CDCA7L: variants seen among roughly 807,000 people sequenced by gnomAD.
CDCA7L encodes the protein cell division cycle associated 7 like.
Under a neutral mutation model 57.4 loss-of-function variants are expected in CDCA7L, and 44 were observed. That is an observed-to-expected ratio of 0.77 (90% CI 0.60 to 0.98). The LOEUF is 0.98. Ranked by LOEUF, CDCA7L falls within the 50% of genes least tolerant of loss-of-function variation. CDCA7L has a pLI of 0.00. For synonymous variants in CDCA7L, 236 were observed against 202.8 expected (o/e 1.16, Z -1.39); for missense variants, 644 against 580.6 (o/e 1.11, Z -1.12).
At position 21,927,659 on chromosome 7, in the gene CDCA7L, G is replaced by C. The variant is rs748619365; in HGVS notation, c.25-10765C>G. 5.3e-5 allele frequency among the ~76,000 whole-genome samples: 8 copies of C among 152,294 alleles called. No homozygotes were observed. The East Asian group carries it at 5.8e-4, about 11-fold the overall frequency. On this transcript the variant is annotated intron_variant, in intron 1 of 9. Coordinates refer to ENST00000406877, the MANE Select transcript of CDCA7L (RefSeq NM_018719.5). Reference sequence around the variant, plus strand: ...CAAACTGGCTGAAAGGCATGAATTGGAATACATCCCAGAAGCTCAAGGAAT... The same window carrying C: ...CAAACTGGCTGAAAGGCATGAATTGCAATACATCCCAGAAGCTCAAGGAAT...
At chr7:21,928,965 G>C (rs1197736354) in intron 1 of CDCA7L, among the ~76,000 whole-genome samples, 3 of 152,028 alleles carry the variant, frequency 2.0e-5, no homozygotes, top group African/African-American at 7.2e-5. Context: ...ATACCACAAA[G>C]ATACTCCTCG....
intron 1 of CDCA7L, among the ~76,000 whole-genome samples, chr7:21,925,043 C>A (rs1156559841): frequency 6.6e-6 from 1 of 152,130 alleles, no homozygotes; most frequent in Admixed American, 6.5e-5. Flanking sequence ...GATCACTGAC[C>A]ATGTAACAGT....
chr7:21,905,478 T>A, intron 7 of CDCA7L, 28 bp downstream of exon 7: 1 of 1,609,854 alleles, frequency 6.2e-7, no homozygotes, highest in Non-Finnish European at 8.5e-7. Flanking sequence ...CGACTCCCAA[T>A]AAGAATGACA....
At chr7:21,913,594 C>T (rs1418031524) in intron 2 of CDCA7L, among the ~76,000 whole-genome samples, 2 of 152,178 alleles carry the variant, frequency 1.3e-5, no homozygotes, top group African/African-American at 2.4e-5. Flanking sequence ...ACATCTGGCT[C>T]ACAGAGCCTT....
rs568829397 is a variant in CDCA7L, at chr7:21,939,901, A to G, written c.24+5880T>C. On this transcript the variant is annotated intron_variant, in intron 1 of 9. Coordinates refer to ENST00000406877, the MANE Select transcript of CDCA7L (RefSeq NM_018719.5). ...TGAAATAGGAGCACCCTGGTCTGTT[A>G]GGATATGACAAGCTATAAAGCAGTA... is the stretch of plus-strand genomic sequence containing the variant. Among the ~76,000 whole-genome samples the G allele has an allele frequency of 1.0e-4, 15 of 146,538 alleles. No individual in the cohort carries two copies. In the South Asian group the frequency reaches 3.4e-3, roughly 33 times the overall value.
intron 9 of CDCA7L, 179 bp downstream of exon 9, chr7:21,902,798 TA>T: frequency 1.7e-6 from 1 of 598,318 alleles, no homozygotes; most frequent in Non-Finnish European, 2.8e-6. Context: ...GAAGATTCCC[TA>T]ATAGGGAAAA....
In CDCA7L at chr7:21,911,754, G is replaced by A; in HGVS notation, c.166C>T (p.Gln56Ter). Residue 56 changes from glutamine to a stop codon, truncating the protein, a stop_gained and splice_region_variant, in exon 3 of 10, where the codon CAG becomes TAG. Transcript: ENST00000406877. LOFTEE classifies it high-confidence loss of function. The part of the protein sequence containing the change: ...SFDSLESGKQ[Q>*]DVRFHSKYFT... ...TATTTGGAATGAAAGCGCACATCCT[G>A]CTAAATTAAAGACACACATACATCA... 6.2e-7 allele frequency: 1 copy of A among 1,610,802 alleles called. No homozygotes were observed. The highest frequency in any genetic ancestry group is 8.5e-7 in the Non-Finnish European group (1 of 1,179,110).
At chr7:21,911,228 C>A (rs1187929501) in intron 3 of CDCA7L, among the ~76,000 whole-genome samples, 1 of 151,502 alleles carries the variant, frequency 6.6e-6, no homozygotes, top group Non-Finnish European at 1.5e-5. Flanking sequence ...TGGGGTTTCA[C>A]CATATCGGTG....
chr7:21,922,267 G>C (rs1265623874), intron 1 of CDCA7L, among the ~76,000 whole-genome samples: 1 of 152,150 alleles, frequency 6.6e-6, no homozygotes, highest in African/African-American at 2.4e-5. Context: ...GATTACCTGA[G>C]AGCTTTTCTC....
intron 1 of CDCA7L, among the ~76,000 whole-genome samples, chr7:21,919,820 C>T (rs1331946758): frequency 1.3e-5 from 2 of 152,172 alleles, no homozygotes; most frequent in Non-Finnish European, 2.9e-5. Flanking sequence ...ACAAACAGTG[C>T]AGTTCAAGAT....
intron 2 of CDCA7L, among the ~76,000 whole-genome samples, chr7:21,912,971 C>T (rs1312374420): frequency 6.6e-6 from 1 of 152,160 alleles, no homozygotes; most frequent in East Asian, 1.9e-4. Flanking sequence ...GACCAGCCCC[C>T]TGCAAGCCCG....
chr7:21,918,276 G>A (rs536134220), intron 1 of CDCA7L, among the ~76,000 whole-genome samples: 7 of 152,276 alleles, frequency 4.6e-5, no homozygotes, highest in Non-Finnish European at 7.4e-5. Context: ...GATCCTCCCC[G>A]TAATTATCTG....
chr7:21,906,284 A>C lies in CDCA7L; in HGVS notation c.921+5T>G, dbSNP rs1005465017. 13 of 1,585,850 alleles carry C rather than the reference A, an allele frequency of 8.2e-6. No homozygotes were observed. The highest frequency in any genetic ancestry group is 1.8e-5 in the Admixed American group (1 of 54,596). ...AAACTAATTCATGTATTAGTCAGAA[A>C]ATACCCCAATTGTCTTCCTTCTTCG... On this transcript the variant is annotated splice_donor_5th_base_variant and intron_variant, in intron 6 of 9. Coordinates refer to ENST00000406877, the MANE Select transcript of CDCA7L (RefSeq NM_018719.5).
At chr7:21,916,066 C>G (rs1255421808) in intron 2 of CDCA7L, among the ~76,000 whole-genome samples, 2 of 152,270 alleles carry the variant, frequency 1.3e-5, no homozygotes, top group East Asian at 3.9e-4. Context: ...TTAACTGCTT[C>G]CCTTCCTGGA....
At chr7:21,913,093 T>C (rs1303427377) in intron 2 of CDCA7L, among the ~76,000 whole-genome samples, 1 of 152,172 alleles carries the variant, frequency 6.6e-6, no homozygotes, top group Non-Finnish European at 1.5e-5. Flanking sequence ...GGAATCTGTA[T>C]CTACCCCACT....
chr7:21,917,206 ATC>A (rs1213174580), intron 1 of CDCA7L, among the ~76,000 whole-genome samples: 1 of 152,216 alleles, frequency 6.6e-6, no homozygotes, highest in African/African-American at 2.4e-5. Context: ...AGAACCAATG[ATC>A]TCTTTTTTCT....
chr7:21,901,499 G>C lies in CDCA7L; in HGVS notation c.*823C>G, dbSNP rs1784848608. On this transcript the variant is annotated 3_prime_UTR_variant, in exon 10 of 10. Coordinates refer to ENST00000406877, the MANE Select transcript of CDCA7L (RefSeq NM_018719.5). Reference sequence around the variant, plus strand: ...TAGGAGAATCACTTGAACCTAGGAGGCAAAGGTTGCAGTGAGCCGAGGTTG... The same window carrying C: ...TAGGAGAATCACTTGAACCTAGGAGCCAAAGGTTGCAGTGAGCCGAGGTTG... The C allele has an allele frequency of 8.1e-6, 3 of 369,192 alleles. No homozygotes were observed. The highest frequency in any genetic ancestry group is 1.3e-5 in the Non-Finnish European group (3 of 227,822). 22.9% of individuals were successfully genotyped at this position (369,192 alleles called of 1,614,324 possible).
intron 9 of CDCA7L, 166 bp from the exon 10 acceptor site, chr7:21,902,518 T>TA: frequency 1.5e-6 from 1 of 659,704 alleles, no homozygotes; most frequent in South Asian, 1.8e-5. Flanking sequence ...CCCTCTGGTG[T>TA]AGTACGCCCC....
chr7:21,912,053 G>A (rs573854513), intron 2 of CDCA7L, among the ~76,000 whole-genome samples: 1 of 151,824 alleles, frequency 6.6e-6, no homozygotes, highest in South Asian at 2.1e-4. Context: ...CTTGAACTCA[G>A]GAGTTCAAGA....
Sources: allele counts gnomAD v4.1 joint callset (sites outside exome capture counted in the v4.1 genomes callset), GRCh38; gene constraint gnomAD v4.1.1; transcripts MANE v1.5; gene names NCBI Gene and HGNC (gene_info 2026-07-23, HGNC 2026-07-21).